The following ZNF433 variants were observed in gnomAD, a reference collection of about 807,000 sequenced individuals.
ZNF433 encodes the protein zinc finger protein 433.
Under a neutral mutation model 10.6 loss-of-function variants are expected in ZNF433, and 12 were observed. The ratio of observed to expected loss-of-function variants is 1.13; its 90% CI spans 0.72 to 1.83. The LOEUF (loss-of-function observed/expected upper bound fraction) is 1.83, where lower values mean the gene tolerates loss of function less well. ZNF433 is among the 40% of genes most tolerant of loss of function. The pLI is 0.00. For synonymous variants in ZNF433, 272 were observed against 271.3 expected (o/e 1.00, Z -0.02); for missense variants, 737 against 798.0 (o/e 0.92, Z 0.92).
rs200647221 is a variant in ZNF433 at position 12,015,314 on chromosome 19, G to T, written c.1544C>A (p.Ser515Ter). 14 of 1,613,704 alleles carry T rather than the reference G, an allele frequency of 8.7e-6. No homozygotes were observed. Among genetic ancestry groups the T allele is most frequent in the Non-Finnish European group, 1.1e-5 (13 of 1,179,978 alleles). ...CCTTCCATGATATCGAAAGGAGCTC[G>T]AACAGTTGAAGGATCTGCCACACTG... ...CKQCGRSFNC[S>*]SSFRYHGRTH... Residue 515 changes from serine to a stop codon, truncating the protein, a stop_gained, in exon 4 of 4, where the codon TCG becomes TAG. Coordinates refer to ENST00000550507, the MANE Select transcript of ZNF433 (RefSeq NM_001308348.2). LOFTEE classifies it low-confidence loss of function (END_TRUNC).
In ZNF433 at chr19:12,015,631, A is replaced by G; in HGVS notation, c.1227T>C (p.His409=). The G allele has an allele frequency of 6.2e-7, 1 of 1,613,714 alleles. No homozygotes were observed. The highest frequency in any genetic ancestry group is 8.5e-7 in the Non-Finnish European group (1 of 1,179,872). The part of the protein sequence containing the change: ...AFNSSSSFRY[H]ERTHTGEKPY... The stretch of plus-strand genomic sequence containing the variant: ...GTTTCTCTCCAGTGTGAGTTCTTTC[A>G]TGATATCGGAAGGAACTGGAAGAAT... The change falls in exon 4 of 4, where the codon CAT becomes CAC. Residue 409 remains histidine (H), a synonymous_variant. Coordinates refer to ENST00000550507, the MANE Select transcript of ZNF433 (RefSeq NM_001308348.2).
chr19:12,018,320 G>A (rs1271025150), intron 1 of ZNF433, 28 bp from the exon 2 acceptor site: 1 of 1,600,552 alleles, frequency 6.2e-7, no homozygotes, highest in South Asian at 1.1e-5. Flanking sequence ...TATAGAGGAG[G>A]ATGGATAAGA....
chr19:12,029,596 A>G (rs894756885), intron 1 of ZNF433, among the ~76,000 whole-genome samples: 6 of 150,118 alleles, frequency 4.0e-5, no homozygotes, highest in Admixed American at 1.3e-4. Context: ...AATGACATAA[A>G]TGTTTGCATT....
rs200398886 is a variant in ZNF433, at chr19:12,018,168, A to G, written c.128T>C (p.Ile43Thr). 36 of 1,588,844 alleles carry G rather than the reference A, an allele frequency of 2.3e-5. No individual in the cohort carries two copies. Among genetic ancestry groups the G allele is most frequent in the Non-Finnish European group, 3.1e-5 (36 of 1,172,200 alleles). ...GGAAGTAATGTTGTCACCCTTACCTATAGAGGCCAGGTTCCTGAAGGTTTC... is the reference window on the plus strand; with the variant it reads ...GGAAGTAATGTTGTCACCCTTACCTGTAGAGGCCAGGTTCCTGAAGGTTTC... ...MQETFRNLAS[I>T]GKKWKPQNIY... is the part of the protein sequence containing the mutation. The change falls in exon 2 of 4, where the codon ATA becomes ACA. Residue 43 changes from isoleucine (I) to threonine (T), a missense_variant and splice_region_variant. Ile to Thr is a moderately conservative substitution (Grantham distance 89). Transcript: ENST00000550507.
chr19:12,028,827 TA>T (rs1974864366), intron 1 of ZNF433, among the ~76,000 whole-genome samples: 2 of 152,184 alleles, frequency 1.3e-5, no homozygotes, highest in Admixed American at 1.3e-4. Flanking sequence ...GAGTAGATGA[TA>T]ATACAGGCTC....
At position 12,017,283 on chromosome 19, in the gene ZNF433, A is replaced by G. The variant is rs560019531; in HGVS notation, c.191+593T>C. Among the ~76,000 whole-genome samples the G allele has an allele frequency of 3.3e-5, 5 of 150,796 alleles. No individual in the cohort carries two copies. In the South Asian group the frequency reaches 6.4e-4, roughly 19 times the overall value. On this transcript the variant is annotated intron_variant, in intron 3 of 3. Transcript: ENST00000550507. ...AGTGGGGCAAACTTGGCTCACTGCA[A>G]CCTCCCCCTCCTGGGTTCAAGCGAT... is the stretch of plus-strand genomic sequence containing the variant.
chr19:12,029,246 G>A (rs1974885290), intron 1 of ZNF433, among the ~76,000 whole-genome samples: 1 of 152,132 alleles, frequency 6.6e-6, no homozygotes, highest in Non-Finnish European at 1.5e-5. Flanking sequence ...CATAAGCTGG[G>A]TGTGGTAGCT....
chr19:12,033,187 AG>A (rs1368484525), intron 1 of ZNF433, among the ~76,000 whole-genome samples: 2 of 151,780 alleles, frequency 1.3e-5, no homozygotes, highest in Non-Finnish European at 2.9e-5. Context: ...TCCACCTCCC[AG>A]GTCCAAGCAA....
intron 1 of ZNF433, among the ~76,000 whole-genome samples, chr19:12,021,336 G>A (rs1192129879): frequency 6.6e-6 from 1 of 152,052 alleles, no homozygotes; most frequent in African/African-American, 2.4e-5. Context: ...TCTAGGCTTT[G>A]GCCTTCTTCT....
At chr19:12,033,568 A>G (rs377328318) in intron 1 of ZNF433, among the ~76,000 whole-genome samples, 2 of 151,798 alleles carry the variant, frequency 1.3e-5, no homozygotes, top group East Asian at 3.9e-4. Flanking sequence ...CACACCTGTA[A>G]TCCCAGCACT....
chr19:12,029,521 C>CAAAAA (rs55659942), intron 1 of ZNF433, among the ~76,000 whole-genome samples: 1 of 48,424 alleles, frequency 2.1e-5, no homozygotes, highest in Non-Finnish European at 3.5e-5. Context: ...GACTCTGTCT[C>CAAAAA]AAAAAAAAAA....
chr19:12,033,356 C>G (rs1382522253), intron 1 of ZNF433, among the ~76,000 whole-genome samples: 7 of 152,152 alleles, frequency 4.6e-5, no homozygotes, highest in Non-Finnish European at 1.0e-4. Context: ...CTCAACCTCC[C>G]AAAGTGTTGG....
intron 1 of ZNF433, among the ~76,000 whole-genome samples, chr19:12,029,240 A>C (rs1001409645): frequency 1.3e-5 from 2 of 152,138 alleles, no homozygotes; most frequent in African/African-American, 4.8e-5. Flanking sequence ...AGCCAGCATA[A>C]GCTGGGTGTG....
chr19:12,015,199 G>C lies in ZNF433; in HGVS notation c.1659C>G (p.His553Gln). Residue 553 changes from histidine (H) to glutamine (Q), a missense_variant, in exon 4 of 4, where the codon CAC (histidine) becomes CAG (glutamine). Transcript: ENST00000550507. ...ASQLQIHGRT[H>Q]TGEKPYECKQ... The stretch of plus-strand genomic sequence containing the variant: ...TACATTCATAAGGTTTCTCTCCAGT[G>C]TGAGTCCTTCCATGAATTTGAAGCT... 1 of 1,614,050 alleles carries C rather than the reference G, an allele frequency of 6.2e-7. No individual in the cohort carries two copies. The highest frequency in any genetic ancestry group is 8.5e-7 in the Non-Finnish European group (1 of 1,179,936).
At chr19:12,020,913 A>G (rs1183619255) in intron 1 of ZNF433, among the ~76,000 whole-genome samples, 1 of 142,234 alleles carries the variant, frequency 7.0e-6, no homozygotes, top group Non-Finnish European at 1.5e-5. Context: ...CAAAAACAAA[A>G]ATATAAAAAA....
intron 1 of ZNF433, chr19:12,026,513 A>G (rs1274462591): frequency 8.4e-6 from 3 of 355,284 alleles, no homozygotes; most frequent in Non-Finnish European, 1.7e-5. Flanking sequence ...GAACAATTAC[A>G]CTTATTGGGC....
At chr19:12,032,594 G>A (rs958098293) in intron 1 of ZNF433, among the ~76,000 whole-genome samples, 2 of 150,820 alleles carry the variant, frequency 1.3e-5, no homozygotes, top group South Asian at 2.1e-4. Context: ...AGGGATTCTC[G>A]TGCCTCAGTC....
intron 1 of ZNF433, chr19:12,025,018 T>G (rs982224857): frequency 6.6e-6 from 1 of 152,242 alleles, no homozygotes; most frequent in African/African-American, 2.4e-5. Flanking sequence ...TGAAATTAAC[T>G]AATTGGATTC....
At chr19:12,020,941 C>T (rs1255618691) in intron 1 of ZNF433, among the ~76,000 whole-genome samples, 1 of 149,420 alleles carries the variant, frequency 6.7e-6, no homozygotes, top group Non-Finnish European at 1.5e-5. Context: ...CAGCACTAAG[C>T]TACAGGGGTC....
Sources: allele counts gnomAD v4.1 joint callset (sites outside exome capture counted in the v4.1 genomes callset), GRCh38; gene constraint gnomAD v4.1.1; transcripts MANE v1.5; gene names NCBI Gene and HGNC (gene_info 2026-07-23, HGNC 2026-07-21).